ANXA8: variants seen among roughly 807,000 people sequenced by gnomAD.
ANXA8 encodes the protein annexin A8.
Under a neutral mutation model 26.8 loss-of-function variants are expected in ANXA8, and 9 were observed. The ratio of observed to expected loss-of-function variants is 0.34; its 90% CI spans 0.20 to 0.59. The LOEUF (loss-of-function observed/expected upper bound fraction) is 0.59. ANXA8 is among the 20% of genes least tolerant of loss of function. The pLI, the probability that ANXA8 is intolerant of heterozygous loss-of-function variation, is 0.84. For missense variants in ANXA8, 83 were observed against 238.5 expected, an observed-to-expected ratio of 0.35 and a Z score of 4.29; for synonymous variants, 39 against 94.8, an observed-to-expected ratio of 0.41 and a Z score of 3.42.
At chr10:47,663,510 T>A in the ANXA8 span, among the ~76,000 whole-genome samples, 1 of 134,582 alleles carries the variant, frequency 7.4e-6, no homozygotes, top group Non-Finnish European at 1.5e-5. Flanking sequence ...CTCAGCCTCC[T>A]GAGTAGCTGA....
the ANXA8 span, chr10:47,502,480 C>G: frequency 6.2e-7 from 1 of 1,612,958 alleles, no homozygotes; most frequent in Non-Finnish European, 8.5e-7. Flanking sequence ...TTTTGTCTGC[C>G]CCTGGCTGCT....
chr10:47,949,174 GTTATATA>G, the ANXA8 span, among the ~76,000 whole-genome samples: 1 of 114,754 alleles, frequency 8.7e-6, no homozygotes, highest in Non-Finnish European at 1.7e-5. Flanking sequence ...ATTATATATA[GTTATATA>G]TTATATTTAA....
chr10:47,968,134 T>A, the ANXA8 span, among the ~76,000 whole-genome samples: 1 of 150,340 alleles, frequency 6.7e-6, no homozygotes, highest in Non-Finnish European at 1.5e-5. Flanking sequence ...TTGTAGCAGC[T>A]AGGCCCTGCC....
At chr10:47,641,108 T>C in the ANXA8 span, among the ~76,000 whole-genome samples, 6 of 149,282 alleles carry the variant, frequency 4.0e-5, no homozygotes, top group Non-Finnish European at 5.9e-5. Flanking sequence ...TTTCTGTGTC[T>C]TAGTTTCTTC....
upstream of ANXA8, chr10:47,484,780 C>G: frequency 3.3e-6 from 2 of 597,840 alleles, no homozygotes; most frequent in South Asian, 2.3e-5. Context: ...GTTCCTGGAG[C>G]CTGGAAGGAG....
At chr10:47,673,095 G>A in the ANXA8 span, among the ~76,000 whole-genome samples, 3 of 150,434 alleles carry the variant, frequency 2.0e-5, no homozygotes, top group South Asian at 6.2e-4. Context: ...CCACGTATGG[G>A]CTGGTTTGAC....
chr10:47,670,379 G>A, the ANXA8 span, among the ~76,000 whole-genome samples: 6 of 152,028 alleles, frequency 3.9e-5, no homozygotes, highest in South Asian at 4.1e-4. Context: ...TATATAGCTC[G>A]GTGTGGAATT....
chr10:47,474,217 T>A, intron 8 of ANXA8, 88 bp downstream of exon 8: 1 of 1,452,552 alleles, frequency 6.9e-7, no homozygotes, highest in Middle Eastern at 2.4e-4. Context: ...TCCCTAACTC[T>A]AGACTTGACA....
chr10:47,982,067 T>C, the ANXA8 span, among the ~76,000 whole-genome samples: 7 of 150,796 alleles, frequency 4.6e-5, no homozygotes, highest in East Asian at 4.0e-4. Flanking sequence ...GTTGGGAGGA[T>C]TGCTTGAGCC....
At chr10:47,981,830 T>A in the ANXA8 span, among the ~76,000 whole-genome samples, 1 of 151,550 alleles carries the variant, frequency 6.6e-6, no homozygotes, top group Admixed American at 6.6e-5. Flanking sequence ...TTTGGAAGAC[T>A]TAATATTGTT....
At chr10:47,743,311 TAC>T in the ANXA8 span, among the ~76,000 whole-genome samples, 2 of 19,194 alleles carry the variant, frequency 1.0e-4, no homozygotes, top group Non-Finnish European at 3.4e-4. Flanking sequence ...TATATATATA[TAC>T]ACATATATAT....
the ANXA8 span, among the ~76,000 whole-genome samples, chr10:47,555,152 A>G: frequency 1.3e-5 from 2 of 148,984 alleles, no homozygotes; most frequent in Non-Finnish European, 1.5e-5. Context: ...TGACTTCACC[A>G]GGGACACAGT....
At chr10:47,550,008 T>A in the ANXA8 span, among the ~76,000 whole-genome samples, 2 of 151,148 alleles carry the variant, frequency 1.3e-5, no homozygotes, top group Middle Eastern at 3.4e-3. Flanking sequence ...CATACACTAC[T>A]CAGGAGGCTA....
At chr10:47,699,656 G>GAAAAGA in the ANXA8 span, among the ~76,000 whole-genome samples, 296 of 151,478 alleles carry the variant, frequency 2.0e-3, 1 homozygote, top group African/African-American at 6.8e-3. Flanking sequence ...AAAGAAAAAG[G>GAAAAGA]AAAAGAAAAA....
the ANXA8 span, among the ~76,000 whole-genome samples, chr10:47,700,695 A>G: frequency 6.6e-6 from 1 of 151,698 alleles, no homozygotes; most frequent in Non-Finnish European, 1.5e-5. Flanking sequence ...AACACTATAA[A>G]CAAAGTCAAA....
At chr10:47,742,099 C>CA in the ANXA8 span, among the ~76,000 whole-genome samples, 1 of 109,762 alleles carries the variant, frequency 9.1e-6, no homozygotes, top group Non-Finnish European at 1.9e-5. Context: ...CTCGCTCTCC[C>CA]AAAGTGCTGG....
At chr10:47,503,014 C>G in the ANXA8 span, 1 of 1,605,810 alleles carries the variant, frequency 6.2e-7, no homozygotes, top group South Asian at 1.1e-5. Context: ...TATGGAGTCA[C>G]CCAGCCCGGT....
chr10:47,735,027 A>C, the ANXA8 span, among the ~76,000 whole-genome samples: 1 of 148,312 alleles, frequency 6.7e-6, no homozygotes, highest in Non-Finnish European at 1.5e-5. Flanking sequence ...TTAAAAAAAA[A>C]AAAAAAATTA....
At chr10:47,632,760 T>C in the ANXA8 span, among the ~76,000 whole-genome samples, 1 of 146,732 alleles carries the variant, frequency 6.8e-6, no homozygotes, top group Admixed American at 6.6e-5. Flanking sequence ...ATGTTTACAT[T>C]TCGATTTTTA....
Sources: gnomAD v4.1 joint callset for allele counts (sites outside exome capture counted in the v4.1 genomes callset) on GRCh38, gnomAD v4.1.1 for gene constraint, MANE v1.5 for transcripts, NCBI Gene and HGNC (gene_info 2026-07-23, HGNC 2026-07-21) for gene names.